Variants in B3GALT1 observed in about 807,000 individuals in gnomAD.
The protein encoded by B3GALT1 is beta-1,3-galactosyltransferase 1, also known as UDP-Gal:betaGlcNAc beta 1,3-galactosyltransferase, polypeptide 1.
Under a neutral mutation model 23.2 loss-of-function variants are expected in B3GALT1, and 10 were observed. The ratio of observed to expected loss-of-function variants is 0.43; its 90% CI spans 0.27 to 0.73. The LOEUF is 0.73. Among genes scored for constraint, B3GALT1 ranks in the 30% least tolerant of loss-of-function variants. B3GALT1 has a pLI of 0.21. For synonymous variants in B3GALT1, 156 were observed against 141.5 expected (o/e 1.10, Z -0.73); for missense variants, 299 against 405.4 (o/e 0.74, Z 2.25).
chr2:167,757,997 A>G (rs1163407486), intron 3 of B3GALT1, among the ~76,000 whole-genome samples: 1 of 152,224 alleles, frequency 6.6e-6, no homozygotes, highest in Non-Finnish European at 1.5e-5. Context: ...CATTTTTATT[A>G]AACATGATAT....
At chr2:167,731,333 G>A (rs1284486706) in intron 3 of B3GALT1, among the ~76,000 whole-genome samples, 17 of 152,108 alleles carry the variant, frequency 1.1e-4, no homozygotes. Flanking sequence ...CCTCAACTAG[G>A]TATTGAGCCC....
intron 3 of B3GALT1, among the ~76,000 whole-genome samples, chr2:167,670,476 A>G (rs1383334928): frequency 6.6e-6 from 1 of 152,214 alleles, no homozygotes; most frequent in Non-Finnish European, 1.5e-5. Context: ...CAACAATGCA[A>G]GATTTCAAGG....
intron 2 of B3GALT1, among the ~76,000 whole-genome samples, chr2:167,557,345 A>G (rs1194625883): frequency 6.6e-6 from 1 of 152,198 alleles, no homozygotes; most frequent in Non-Finnish European, 1.5e-5. Context: ...TTACCTTCTC[A>G]ACTAAAACCT....
At chr2:167,640,426 C>T (rs1685629798) in intron 2 of B3GALT1, among the ~76,000 whole-genome samples, 1 of 151,976 alleles carries the variant, frequency 6.6e-6, no homozygotes, top group Non-Finnish European at 1.5e-5. Context: ...CATGAAAGGC[C>T]TTGGAATATA....
intron 3 of B3GALT1, among the ~76,000 whole-genome samples, chr2:167,709,838 A>G (rs1392631957): frequency 3.9e-5 from 6 of 152,140 alleles, no homozygotes; most frequent in Non-Finnish European, 8.8e-5. Context: ...CAGTTCACCC[A>G]TTTATGAAAT....
chr2:167,810,368 G>C (rs55776279), intron 3 of B3GALT1, among the ~76,000 whole-genome samples: 5,138 of 150,848 alleles, frequency 0.034, 271 homozygotes, highest in South Asian at 0.069. Context: ...TCTTCTCTGT[G>C]GCTCTCACTG....
At chr2:167,520,109 C>CT (rs921408501) in intron 2 of B3GALT1, among the ~76,000 whole-genome samples, 2 of 151,428 alleles carry the variant, frequency 1.3e-5, no homozygotes, top group Admixed American at 6.6e-5. Flanking sequence ...CATAAAGATA[C>CT]TTTGAAAAGT....
chr2:167,857,393 G>C (rs1007737944), intron 4 of B3GALT1, among the ~76,000 whole-genome samples: 10 of 152,128 alleles, frequency 6.6e-5, no homozygotes, highest in African/African-American at 2.4e-4. Flanking sequence ...AATGTGAGTA[G>C]ACTGTGGCAA....
chr2:167,332,348 T>C (rs1255697232), intron 1 of B3GALT1, among the ~76,000 whole-genome samples: 1 of 152,224 alleles, frequency 6.6e-6, no homozygotes, highest in Non-Finnish European at 1.5e-5. Flanking sequence ...TTATTTGTTA[T>C]GCAGAAATTA....
intron 3 of B3GALT1, among the ~76,000 whole-genome samples, chr2:167,688,887 C>T (rs1003466367): frequency 6.6e-6 from 1 of 152,036 alleles, no homozygotes; most frequent in African/African-American, 2.4e-5. Flanking sequence ...ACTTGTTCAC[C>T]TCTTTTCTGG....
chr2:167,750,941 T>G (rs1687725590), intron 3 of B3GALT1, among the ~76,000 whole-genome samples: 1 of 152,110 alleles, frequency 6.6e-6, no homozygotes, highest in Admixed American at 6.6e-5. Context: ...AACATGGAAG[T>G]AGGCAGCCTT....
rs1221799505 is a variant in B3GALT1, at chr2:167,873,125, A to G, written c.*3105A>G. 1.3e-5 allele frequency: 2 copies of G among 152,276 alleles called. No individual in the cohort carries two copies. Among genetic ancestry groups the G allele is most frequent in the South Asian group, 2.1e-4 (1 of 4,826 alleles). 9.4% of individuals were successfully genotyped at this position (152,276 alleles called of 1,614,324 possible). On this transcript the variant is annotated 3_prime_UTR_variant, in exon 5 of 5. Coordinates refer to ENST00000392690, the MANE Select transcript of B3GALT1 (RefSeq NM_020981.4). ...CCTGACATAAAATATGCAATGTTTT[A>G]GACAGTATTCTACCAAGAGTCTCTC...
intron 1 of B3GALT1, among the ~76,000 whole-genome samples, chr2:167,443,291 T>A (rs1698925000): frequency 6.6e-6 from 1 of 152,188 alleles, no homozygotes; most frequent in African/African-American, 2.4e-5. Context: ...TGTAGTATAG[T>A]TTGAAGTCAG....
chr2:167,671,890 GA>G (rs1558944539), intron 3 of B3GALT1, among the ~76,000 whole-genome samples: 1 of 151,452 alleles, frequency 6.6e-6, no homozygotes, highest in Non-Finnish European at 1.5e-5. Flanking sequence ...CTATTTTTTA[GA>G]AAAAAAGAGA....
At chr2:167,834,238 T>TAACA (rs1253543804) in intron 4 of B3GALT1, among the ~76,000 whole-genome samples, 1 of 152,210 alleles carries the variant, frequency 6.6e-6, no homozygotes, top group Non-Finnish European at 1.5e-5. Flanking sequence ...TGGGTACATG[T>TAACA]AACAGTCTTC....
In B3GALT1 at chr2:167,827,943, T is replaced by TC. The variant is rs148068063; in HGVS notation, c.-230+9151dup. Among the ~76,000 whole-genome samples, 20 of 152,282 alleles carry TC rather than the reference T, an allele frequency of 1.3e-4. No individual in the cohort carries two copies. In the East Asian group the frequency reaches 3.9e-3, roughly 29 times the overall value. On this transcript the variant is annotated intron_variant, in intron 4 of 4. Transcript: ENST00000392690. ...ACAGCAGAGACAGGCAACAAACCCG[T>TC]CACAACCACAGCATTCAGCCCCCTC...
At chr2:167,776,904 T>G (rs1688170868) in intron 3 of B3GALT1, among the ~76,000 whole-genome samples, 1 of 152,154 alleles carries the variant, frequency 6.6e-6, no homozygotes, top group Non-Finnish European at 1.5e-5. Flanking sequence ...TTTTAAAGTC[T>G]TATTGGTTTT....
intron 3 of B3GALT1, among the ~76,000 whole-genome samples, chr2:167,701,004 T>C (rs1166854015): frequency 6.6e-6 from 1 of 152,212 alleles, no homozygotes; most frequent in Non-Finnish European, 1.5e-5. Context: ...ATGTTTACCA[T>C]GTACCGTGGA....
At chr2:167,752,752 A>G (rs1190692245) in intron 3 of B3GALT1, among the ~76,000 whole-genome samples, 1 of 152,220 alleles carries the variant, frequency 6.6e-6, no homozygotes, top group Non-Finnish European at 1.5e-5. Context: ...GCAACTCACA[A>G]TTGTTGAAAA....
Sources: gnomAD v4.1 joint callset for allele counts (sites outside exome capture counted in the v4.1 genomes callset) on GRCh38, gnomAD v4.1.1 for gene constraint, MANE v1.5 for transcripts, NCBI Gene and HGNC (gene_info 2026-07-23, HGNC 2026-07-21) for gene names.